The following GATA4 variants were observed in gnomAD, a reference collection of about 807,000 sequenced individuals.
GATA4 encodes transcription factor GATA-4.
A neutral mutation model predicts 37.9 loss-of-function variants in GATA4; 7 were observed. The ratio of observed to expected loss-of-function variants is 0.18; its 90% confidence interval spans 0.11 to 0.35. The LOEUF is 0.35. Among genes scored for constraint, GATA4 ranks in the 10% least tolerant of loss-of-function variants. The pLI, the probability that GATA4 is intolerant of heterozygous loss-of-function variation, is 1.00. For missense variants in GATA4, 647 were observed against 653.0 expected (o/e 0.99, Z 0.10); for synonymous variants, 372 against 292.6 (o/e 1.27, Z -2.77).
chr8:11,681,424 C>T (rs1378367838), intron 1 of GATA4: 57 of 982,486 alleles, frequency 5.8e-5, no homozygotes, highest in Non-Finnish European at 6.3e-5. Context: ...AACTCGGGGG[C>T]CGTAGCTACG....
chr8:11,705,893 A>T (rs1042337488), intron 1 of GATA4: 1 of 152,184 alleles, frequency 6.6e-6, no homozygotes, highest in Non-Finnish European at 1.5e-5. Context: ...TAAAATTCTA[A>T]ATCTCCTTTC....
In GATA4 at chr8:11,750,314, G is replaced by A. The variant is rs1802240919; in HGVS notation, c.912+78G>A. ...CAGTCCTCCCTTGTCTTCTTCCTTT[G>A]TACTAGCATTCATTTTTCCTTCTTA... On this transcript the variant is annotated intron_variant, in intron 4 of 6. Coordinates refer to ENST00000532059, the MANE Select transcript of GATA4 (RefSeq NM_001308093.3). 10 of 1,578,388 alleles carry A rather than the reference G, an allele frequency of 6.3e-6. No homozygotes were observed. In the East Asian group the frequency reaches 6.7e-5, roughly 11 times the overall value.
chr8:11,700,903 G>C (rs1799653555), upstream of GATA4: 1 of 152,160 alleles, frequency 6.6e-6, no homozygotes, highest in South Asian at 2.1e-4. Flanking sequence ...CCCAGGCGTG[G>C]CACTTGGTTT....
chr8:11,754,488 G>A (rs909409847), intron 4 of GATA4, among the ~76,000 whole-genome samples: 1 of 152,224 alleles, frequency 6.6e-6, no homozygotes, highest in Non-Finnish European at 1.5e-5. Flanking sequence ...AAAGTGCTGG[G>A]ATTACAGGCA....
At chr8:11,698,922 C>G (rs149833382) in intron 1 of GATA4, among the ~76,000 whole-genome samples, 2 of 152,218 alleles carry the variant, frequency 1.3e-5, no homozygotes, top group African/African-American at 4.8e-5. Context: ...GCCCCTCCCT[C>G]CACTTCTGGC....
At chr8:11,736,912 G>A (rs897235620) in intron 2 of GATA4, among the ~76,000 whole-genome samples, 2 of 152,162 alleles carry the variant, frequency 1.3e-5, no homozygotes, top group Non-Finnish European at 2.9e-5. Context: ...CCAGGTCCAC[G>A]ACTGCAGGGC....
chr8:11,706,997 A>G (rs1221645461), intron 1 of GATA4, among the ~76,000 whole-genome samples: 1 of 152,164 alleles, frequency 6.6e-6, no homozygotes, highest in African/African-American at 2.4e-5. Context: ...AAGTTCCACA[A>G]ACTGCTCTTT....
intron 2 of GATA4, among the ~76,000 whole-genome samples, chr8:11,739,941 G>A (rs1014487340): frequency 6.6e-6 from 1 of 152,156 alleles, no homozygotes; most frequent in South Asian, 2.1e-4. Flanking sequence ...CTGGACCCTC[G>A]CAGCCTCTCC....
At chr8:11,742,866 G>C (rs1016017876) in intron 2 of GATA4, among the ~76,000 whole-genome samples, 4 of 152,234 alleles carry the variant, frequency 2.6e-5, no homozygotes, top group Non-Finnish European at 5.9e-5. Flanking sequence ...CATGGGCCTG[G>C]GGTTCAGCAA....
At chr8:11,684,786 C>T (rs936611789) in intron 1 of GATA4, among the ~76,000 whole-genome samples, 1 of 152,104 alleles carries the variant, frequency 6.6e-6, no homozygotes, top group Non-Finnish European at 1.5e-5. Flanking sequence ...TGTTTCTTAA[C>T]CTATTACTTC....
chr8:11,725,355 G>T (rs541030873), intron 2 of GATA4, among the ~76,000 whole-genome samples: 6 of 152,226 alleles, frequency 3.9e-5, no homozygotes, highest in Non-Finnish European at 2.9e-5. Flanking sequence ...AGGAAAGACT[G>T]TCTCACCCCC....
intron 1 of GATA4, among the ~76,000 whole-genome samples, chr8:11,684,543 C>A (rs1799079609): frequency 6.6e-6 from 1 of 152,204 alleles, no homozygotes; most frequent in Admixed American, 6.5e-5. Context: ...GTCCCTAGGT[C>A]AGTGTAAGAG....
At chr8:11,704,348 C>T (rs1384395767) in intron 1 of GATA4, 44 bp downstream of exon 1, 5 of 152,294 alleles carry the variant, frequency 3.3e-5, no homozygotes, top group Admixed American at 3.3e-4. Flanking sequence ...CCCGCGGTCC[C>T]CCAAACTCGG....
At chr8:11,697,969 G>A (rs1430273020) in intron 1 of GATA4, 3 of 985,360 alleles carry the variant, frequency 3.0e-6, no homozygotes, top group Non-Finnish European at 2.4e-6. Context: ...TCCAGCCGCG[G>A]GTGTCCCTAC....
intron 2 of GATA4, among the ~76,000 whole-genome samples, chr8:11,724,023 C>A (rs1585629754): frequency 6.6e-6 from 1 of 152,174 alleles, no homozygotes; most frequent in East Asian, 1.9e-4. Flanking sequence ...TTCTGTCTCT[C>A]TGAATGTAAC....
chr8:11,708,670 G>C lies in GATA4; in HGVS notation c.358G>C (p.Ala120Pro). Residue 120 changes from alanine to proline, a missense_variant, in exon 2 of 7, where the codon GCC becomes CCC. Ala to Pro is a conservative substitution (Grantham distance 27). This residue lies in a region of GATA4 where 379 missense variants were observed against 334.5 expected (regional missense o/e 1.13). Transcript: ENST00000532059. This position sits in a 1 kb window ranked among gnomAD's most constrained non-coding sequence, Gnocchi z 6.7. ...FPGTTGSLAA[A>P]AAAAAAREAA... ...GGGGACCACCGGGTCCCTGGCGGCC[G>C]CCGCCGCCGCTGCCGCGGCCCGGGA... The C allele has an allele frequency of 7.8e-7, 1 of 1,286,660 alleles. No homozygotes were observed. The highest frequency in any genetic ancestry group is 2.6e-5 in the South Asian group (1 of 38,642). The allele number at this position is 1,286,660 out of a possible 1,614,324, so 79.7% of individuals were successfully genotyped here. A position where few individuals can be genotyped will look rare whatever the true frequency, so the allele number is the denominator to read the frequency against.
At chr8:11,722,880 C>T (rs1045848001) in intron 2 of GATA4, among the ~76,000 whole-genome samples, 1 of 152,214 alleles carries the variant, frequency 6.6e-6, no homozygotes, top group Non-Finnish European at 1.5e-5. Flanking sequence ...GCAACAAGCA[C>T]ATTTTTAGCT....
At chr8:11,720,080 C>T (rs910399862) in intron 2 of GATA4, among the ~76,000 whole-genome samples, 3 of 151,804 alleles carry the variant, frequency 2.0e-5, no homozygotes, top group African/African-American at 2.4e-5. Flanking sequence ...TGGTCTGGCG[C>T]GGAGAAACCC....
At chr8:11,750,393 G>A (rs893773588) in intron 4 of GATA4, among the ~76,000 whole-genome samples, 157 bp downstream of exon 4, 1 of 152,162 alleles carries the variant, frequency 6.6e-6, no homozygotes, top group African/African-American at 2.4e-5. Context: ...GGCCTCTTCC[G>A]TCCTTTACAT....
Sources: gnomAD v4.1 joint callset for allele counts (sites outside exome capture counted in the v4.1 genomes callset) on GRCh38, gnomAD v4.1.1 for gene constraint, gnomAD v4.1.1 regional missense constraint, Gnocchi (gnomAD v3.1) non-coding constraint, MANE v1.5 for transcripts, NCBI Gene and HGNC (gene_info 2026-07-23, HGNC 2026-07-21) for gene names.